Variants in TRIO observed in about 807,000 individuals in gnomAD.
TRIO encodes the protein trio Rho guanine nucleotide exchange factor, also known as triple functional domain protein.
In TRIO, 58 loss-of-function variants were observed where a neutral mutation model predicts 351.9. The ratio of observed to expected loss-of-function variants is 0.16; its 90% confidence interval spans 0.13 to 0.21. The LOEUF (loss-of-function observed/expected upper bound fraction) is 0.21, where lower values mean the gene tolerates loss of function less well. Ranked by LOEUF, TRIO falls within the 10% of genes least tolerant of loss-of-function variation. The pLI is 1.00. For missense variants in TRIO, 3,201 were observed against 4,027.8 expected (o/e 0.79, Z 5.56); for synonymous variants, 1,758 against 1,595.7 (o/e 1.10, Z -2.42).
At chr5:14,258,697 C>T (rs1432809546) in intron 1 of TRIO, among the ~76,000 whole-genome samples, 1 of 152,122 alleles carries the variant, frequency 6.6e-6, no homozygotes, top group African/African-American at 2.4e-5. Context: ...TATTGAGGGC[C>T]GCCCAGTAGC....
chr5:14,291,335 C>T, intron 5 of TRIO, 107 bp downstream of exon 5: 1 of 1,185,982 alleles, frequency 8.4e-7, no homozygotes, highest in East Asian at 2.5e-5. Context: ...GCTATACTCA[C>T]CGTGTGTGCT....
At chr5:14,336,774 T>G (rs760469991) in intron 11 of TRIO, 47 bp downstream of exon 11, 3 of 1,597,842 alleles carry the variant, frequency 1.9e-6, no homozygotes, top group South Asian at 2.2e-5. Context: ...GAAAGGGTCT[T>G]TGAACTCTTT....
At chr5:14,458,600 G>A (rs1753545433) in intron 34 of TRIO, among the ~76,000 whole-genome samples, 1 of 152,242 alleles carries the variant, frequency 6.6e-6, no homozygotes, top group Non-Finnish European at 1.5e-5. Context: ...TCTCTGTCCA[G>A]TGGGAAATCG....
chr5:14,424,592 A>G (rs1750482243), intron 34 of TRIO, among the ~76,000 whole-genome samples: 1 of 152,152 alleles, frequency 6.6e-6, no homozygotes, highest in South Asian at 2.1e-4. Flanking sequence ...CTATGGTAAA[A>G]TCTGTGCCAA....
intron 13 of TRIO, among the ~76,000 whole-genome samples, chr5:14,359,900 T>C (rs1278994920): frequency 6.6e-6 from 1 of 152,198 alleles, no homozygotes; most frequent in African/African-American, 2.4e-5. Flanking sequence ...GTCCTCAGCT[T>C]AGGCACAGGC....
rs1429160324 is a variant in TRIO at position 14,266,085 on chromosome 5, CAG to C, written c.158-4737_158-4736del. On this transcript the variant is annotated intron_variant, in intron 1 of 56. Transcript: ENST00000344204. Reference sequence around the variant, plus strand: ...TTTTCCTTTTCTTTTTTTTTGGAGACAGAGTCTCGCTCTGCCGTCCAGGTAAG... The same window carrying C: ...TTTTCCTTTTCTTTTTTTTTGGAGACAGTCTCGCTCTGCCGTCCAGGTAAG... Among the ~76,000 whole-genome samples the C allele has an allele frequency of 3.8e-5, 5 of 133,146 alleles. No individual in the cohort carries two copies. In the East Asian group the frequency reaches 1.0e-3, roughly 27 times the overall value. The allele number at this position is 133,146 out of a possible 152,430, so 87.3% of individuals were successfully genotyped here.
Position 14,339,583 on chromosome 5 carries a change from TCTTA to T in TRIO, c.2046+2860_2046+2863del, listed in dbSNP as rs1341263026. 2.6e-5 allele frequency among the ~76,000 whole-genome samples: 4 copies of T among 152,290 alleles called. No individual in the cohort carries two copies. In the East Asian group the frequency reaches 7.7e-4, roughly 29 times the overall value. On this transcript the variant is annotated intron_variant, in intron 11 of 56. Transcript: ENST00000344204. ...GGCATGTTTTCCTCGACCTGCACCA[TCTTA>T]CTTGTGTGCACGTCACGTAACCTGG...
chr5:14,506,893 C>T (rs1367731598), intron 55 of TRIO, among the ~76,000 whole-genome samples: 1 of 152,224 alleles, frequency 6.6e-6, no homozygotes, highest in African/African-American at 2.4e-5. Flanking sequence ...TGCCGCTCTA[C>T]CACCGGCTTC....
chr5:14,361,887 G>T (rs1309699881), intron 13 of TRIO, among the ~76,000 whole-genome samples: 1 of 152,196 alleles, frequency 6.6e-6, no homozygotes, highest in South Asian at 2.1e-4. Flanking sequence ...GGAGGCCAAG[G>T]TGGGCAGATC....
intron 3 of TRIO, among the ~76,000 whole-genome samples, chr5:14,283,855 A>G (rs183032565): frequency 8.5e-5 from 13 of 152,158 alleles, no homozygotes; most frequent in Admixed American, 7.2e-4. Context: ...TGTAGGAGAA[A>G]TAAGAAGCAG....
rs1392180199 is a variant in TRIO at position 14,335,394 on chromosome 5, T to C, written c.1855-1142T>C. Among the ~76,000 whole-genome samples the C allele has an allele frequency of 4.6e-5, 7 of 152,056 alleles. No individual in the cohort carries two copies. The East Asian group carries it at 1.4e-3, about 30-fold the overall frequency. On this transcript the variant is annotated intron_variant, in intron 10 of 56. Coordinates refer to ENST00000344204, the MANE Select transcript of TRIO (RefSeq NM_007118.4). ...TCTCAAGGGAAACCCAAAGCTGACTTCCTGGGCCTTCTTAGAAGGCCTGAG... is the reference window on the plus strand; with the variant it reads ...TCTCAAGGGAAACCCAAAGCTGACTCCCTGGGCCTTCTTAGAAGGCCTGAG...
intron 34 of TRIO, among the ~76,000 whole-genome samples, chr5:14,427,864 C>T (rs1009851740): frequency 6.6e-6 from 1 of 152,118 alleles, no homozygotes; most frequent in African/African-American, 2.4e-5. Context: ...ACACATATAG[C>T]CACCAACACA....
chr5:14,296,174 C>G (rs950747109), intron 6 of TRIO, among the ~76,000 whole-genome samples: 1 of 151,972 alleles, frequency 6.6e-6, no homozygotes, highest in Non-Finnish European at 1.5e-5. Context: ...ATCAGGAAAT[C>G]AGATTGGGGC....
intron 21 of TRIO, among the ~76,000 whole-genome samples, chr5:14,384,805 G>A (rs1482530053): frequency 1.3e-5 from 2 of 151,934 alleles, no homozygotes; most frequent in Non-Finnish European, 2.9e-5. Flanking sequence ...CTTTACACAA[G>A]ACAGTCCACC....
chr5:14,156,580 C>T (rs1391955292), intron 1 of TRIO, among the ~76,000 whole-genome samples: 4 of 152,190 alleles, frequency 2.6e-5, no homozygotes, highest in African/African-American at 7.2e-5. Context: ...CTTTCCTCTT[C>T]CGTATTTGTA....
intron 1 of TRIO, among the ~76,000 whole-genome samples, chr5:14,243,068 T>C (rs976301199): frequency 6.6e-6 from 1 of 152,146 alleles, no homozygotes; most frequent in African/African-American, 2.4e-5. Flanking sequence ...GTTGGAGACT[T>C]TATCAGGCCC....
At chr5:14,302,415 T>C (rs538136125) in intron 7 of TRIO, among the ~76,000 whole-genome samples, 1 of 152,196 alleles carries the variant, frequency 6.6e-6, no homozygotes, top group Non-Finnish European at 1.5e-5. Flanking sequence ...CAATTTGTGT[T>C]TGAAAAACAA....
chr5:14,397,418 A>G, intron 29 of TRIO: 1 of 358,924 alleles, frequency 2.8e-6, no homozygotes, highest in South Asian at 3.5e-5. Flanking sequence ...CGCTTGCTGC[A>G]GGCCACCTGT....
At chr5:14,307,265 A>G (rs1738454846) in intron 8 of TRIO, among the ~76,000 whole-genome samples, 1 of 152,124 alleles carries the variant, frequency 6.6e-6, no homozygotes, top group African/African-American at 2.4e-5. Flanking sequence ...CATGACCATC[A>G]TCTCCACAGC....
Sources: allele counts gnomAD v4.1 joint callset (sites outside exome capture counted in the v4.1 genomes callset), GRCh38; gene constraint gnomAD v4.1.1; transcripts MANE v1.5; gene names NCBI Gene and HGNC (gene_info 2026-07-23, HGNC 2026-07-21).